ADGRL4: variants seen among roughly 807,000 people sequenced by gnomAD.
The protein encoded by ADGRL4 is adhesion G protein-coupled receptor L4, also known as EGF, latrophilin and seven transmembrane domain containing 1.
A neutral mutation model predicts 74.8 loss-of-function variants in ADGRL4; 90 were observed. The ratio of observed to expected loss-of-function variants is 1.20; its 90% CI spans 1.02 to 1.43. ADGRL4 has a LOEUF of 1.43. ADGRL4 is among the 40% of genes most tolerant of loss of function. ADGRL4 has a pLI of 0.00. For missense variants in ADGRL4, 881 were observed against 814.3 expected (o/e 1.08, Z -1.00); for synonymous variants, 311 against 279.2 (o/e 1.11, Z -1.14).
intron 2 of ADGRL4, among the ~76,000 whole-genome samples, chr1:78,950,315 G>C (rs1649697306): frequency 6.6e-6 from 1 of 152,082 alleles, no homozygotes; most frequent in Admixed American, 6.6e-5. Context: ...GGATTGTACT[G>C]TCAGACACTG....
intron 2 of ADGRL4, among the ~76,000 whole-genome samples, chr1:78,950,265 A>G (rs1232381198): frequency 1.3e-5 from 2 of 152,164 alleles, no homozygotes; most frequent in Non-Finnish European, 2.9e-5. Context: ...AAGTTTACCT[A>G]AATGCCTGGA....
chr1:78,917,868 C>T lies in ADGRL4; in HGVS notation c.1644G>A (p.Ser548=), dbSNP rs771294882. Residue 548 remains serine, a synonymous_variant, in exon 11 of 15, where the codon TCG becomes TCA. Coordinates refer to ENST00000370742, the MANE Select transcript of ADGRL4 (RefSeq NM_022159.4). ...CATAATATCTGTATCCTAGTGCTGC[C>T]GAAAATCCAACTACCACGGCTGGGC... ...YLSPAVVVGF[S]AALGYRYYGT... 2.6e-5 allele frequency: 42 copies of T among 1,612,290 alleles called. No individual in the cohort carries two copies. The highest frequency in any genetic ancestry group is 4.0e-5 in the African/African-American group (3 of 74,714).
chr1:79,006,569 C>A (rs1414794336), intron 1 of ADGRL4, 64 bp downstream of exon 1: 9 of 1,526,708 alleles, frequency 5.9e-6, no homozygotes, highest in African/African-American at 1.4e-5. Context: ...CTTAAAAAAT[C>A]CAGTCCCCTA....
intron 12 of ADGRL4, among the ~76,000 whole-genome samples, chr1:78,913,167 G>C (rs1648798476): frequency 6.6e-6 from 1 of 151,968 alleles, no homozygotes; most frequent in Non-Finnish European, 1.5e-5. Flanking sequence ...GGAGAAAAAG[G>C]AATGGTTATA....
rs752680093 is a variant in ADGRL4, at chr1:78,927,088, T to C, written c.881A>G (p.Asn294Ser). Residue 294 changes from asparagine (N) to serine (S), a missense_variant, in exon 8 of 15, where the codon AAT becomes AGT. Coordinates refer to ENST00000370742, the MANE Select transcript of ADGRL4 (RefSeq NM_022159.4). ...ATAATATACAAATGCAACTGCAACATTGCCTATCAATCAAATAAGTATATT... is the reference window on the plus strand; with the variant it reads ...ATAATATACAAATGCAACTGCAACACTGCCTATCAATCAAATAAGTATATT... ...KRKAAYDSNG[N>S]VAVAFVYYKS... 9 of 1,566,470 alleles carry C rather than the reference T, an allele frequency of 5.7e-6. No homozygotes were observed. The highest frequency in any genetic ancestry group is 2.3e-5 in the East Asian group (1 of 44,426).
chr1:78,978,779 G>A (rs895075658), intron 2 of ADGRL4, among the ~76,000 whole-genome samples: 2 of 151,944 alleles, frequency 1.3e-5, no homozygotes, highest in Non-Finnish European at 2.9e-5. Context: ...TTGAAGTCAA[G>A]GAGGTTAACT....
chr1:78,921,514 C>T, intron 9 of ADGRL4, 99 bp downstream of exon 9: 1 of 746,564 alleles, frequency 1.3e-6, no homozygotes. Flanking sequence ...CTATCTAAAC[C>T]CAAGAAAAAT....
At chr1:78,909,729 T>C (rs1648720515) in intron 12 of ADGRL4, among the ~76,000 whole-genome samples, 1 of 151,858 alleles carries the variant, frequency 6.6e-6, no homozygotes, top group Non-Finnish European at 1.5e-5. Context: ...GAAGTAATTG[T>C]TTTGAAGGAC....
intron 7 of ADGRL4, among the ~76,000 whole-genome samples, chr1:78,927,394 C>G (rs1313654122): frequency 6.6e-6 from 1 of 151,982 alleles, no homozygotes; most frequent in Non-Finnish European, 1.5e-5. Context: ...GACCAAGAAC[C>G]AGAGTGTGAA....
chr1:78,923,181 A>G (rs1649037850), intron 8 of ADGRL4, among the ~76,000 whole-genome samples: 1 of 151,942 alleles, frequency 6.6e-6, no homozygotes, highest in Non-Finnish European at 1.5e-5. Context: ...AAGTAGAGGG[A>G]CTCAAGAATT....
chr1:78,950,292 G>A (rs781190926), intron 2 of ADGRL4, among the ~76,000 whole-genome samples: 4 of 152,112 alleles, frequency 2.6e-5, no homozygotes, highest in Non-Finnish European at 2.9e-5. Flanking sequence ...CAGGAACAGC[G>A]TAATTTAGAG....
chr1:78,940,456 T>A (rs1649452965), intron 3 of ADGRL4, among the ~76,000 whole-genome samples: 1 of 152,136 alleles, frequency 6.6e-6, no homozygotes, highest in Non-Finnish European at 1.5e-5. Context: ...GTGCTGGGTT[T>A]TAAGCTTACA....
chr1:78,936,482 T>C, intron 6 of ADGRL4, 71 bp from the exon 7 acceptor site: 1 of 1,278,650 alleles, frequency 7.8e-7, no homozygotes, highest in Non-Finnish European at 1.1e-6. Context: ...TATATTAGCT[T>C]AGAGACAATT....
At chr1:78,934,018 T>C (rs1649299807) in intron 7 of ADGRL4, among the ~76,000 whole-genome samples, 3 of 152,134 alleles carry the variant, frequency 2.0e-5, no homozygotes, top group African/African-American at 7.2e-5. Context: ...AAGTAATCTA[T>C]AGATTCATGC....
At chr1:79,003,653 G>T (rs1409048763) in intron 2 of ADGRL4, among the ~76,000 whole-genome samples, 2 of 151,914 alleles carry the variant, frequency 1.3e-5, no homozygotes, top group African/African-American at 4.8e-5. Flanking sequence ...GGCTGCTAAA[G>T]GTCCAAAATG....
intron 12 of ADGRL4, among the ~76,000 whole-genome samples, chr1:78,903,934 AAAATAAATAAATAAATAAATAAATAAAT>A (rs141234701): frequency 2.1e-4 from 30 of 141,596 alleles, no homozygotes; most frequent in Admixed American, 1.0e-3. Context: ...GACTCCATAT[AAAATAAATAAATAAATAAATAAATAAAT>A]AAATAAATAA....
intron 2 of ADGRL4, among the ~76,000 whole-genome samples, chr1:78,967,221 G>C (rs952456210): frequency 6.6e-6 from 1 of 152,176 alleles, no homozygotes; most frequent in African/African-American, 2.4e-5. Context: ...AATTATGCAG[G>C]TTAGGTACTA....
intron 2 of ADGRL4, among the ~76,000 whole-genome samples, chr1:78,963,672 C>T (rs569756007): frequency 6.6e-6 from 1 of 152,160 alleles, no homozygotes; most frequent in East Asian, 1.9e-4. Flanking sequence ...TCTACTAGAT[C>T]TCACATCATT....
Position 78,998,362 on chromosome 1 carries a change from C to CTTT in ADGRL4, c.172+6705_172+6707dup, listed in dbSNP as rs71078519. On this transcript the variant is annotated intron_variant, in intron 2 of 14. Coordinates refer to ENST00000370742, the MANE Select transcript of ADGRL4 (RefSeq NM_022159.4). The stretch of plus-strand genomic sequence containing the variant: ...CAAGATATTAAAACTTCCACTGATT[C>CTTT]TTTTTTTTTTTTTTTTTTTTTTTTT... Among the ~76,000 whole-genome samples the CTTT allele has an allele frequency of 1.8e-4, 12 of 65,048 alleles. 1 individual carries two copies. The highest frequency in any genetic ancestry group is 2.2e-4 in the Non-Finnish European group (8 of 36,752). 42.7% of individuals were successfully genotyped at this position (65,048 alleles called of 152,430 possible).
Sources: allele counts gnomAD v4.1 joint callset (sites outside exome capture counted in the v4.1 genomes callset), GRCh38; gene constraint gnomAD v4.1.1; transcripts MANE v1.5; gene names NCBI Gene and HGNC (gene_info 2026-07-23, HGNC 2026-07-21).